FHIT: variants seen among roughly 807,000 people sequenced by gnomAD.
FHIT encodes the protein bis(5'-adenosyl)-triphosphatase.
FHIT carries 19 observed loss-of-function variants against 17.9 expected under a neutral mutation model. That is an observed-to-expected ratio of 1.06 (90% CI 0.74 to 1.56). FHIT has a LOEUF of 1.56. FHIT is among the 40% of genes most tolerant of loss of function. FHIT has a pLI of 0.00. For synonymous variants in FHIT, 81 were observed against 69.7 expected (o/e 1.16, Z -0.81); for missense variants, 248 against 189.2 (o/e 1.31, Z -1.82).
chr3:60,426,746 C>T (rs113150111), intron 5 of FHIT, among the ~76,000 whole-genome samples: 69 of 152,078 alleles, frequency 4.5e-4, no homozygotes, highest in African/African-American at 1.6e-3. Context: ...ATTTTGGCTT[C>T]GAGAAGTAAG....
At chr3:60,417,007 T>C (rs1702273435) in intron 5 of FHIT, among the ~76,000 whole-genome samples, 1 of 151,036 alleles carries the variant, frequency 6.6e-6, no homozygotes, top group Admixed American at 6.6e-5. Context: ...GAGAATGGCA[T>C]GAACCTGGGA....
rs183134359 is a variant in FHIT, at chr3:60,046,445, G to T, written c.104-32293C>A. The stretch of plus-strand genomic sequence containing the variant: ...GGTGTTTACAAGCTGGAATTGAAGA[G>T]GGCTCGGCCAGCTGACAGCAGAAGT... On this transcript the variant is annotated intron_variant, in intron 5 of 9. Coordinates refer to ENST00000492590, the MANE Select transcript of FHIT (RefSeq NM_002012.4). Among the ~76,000 whole-genome samples the T allele has an allele frequency of 1.5e-3, 227 of 152,332 alleles. 1 individual carries two copies. Among genetic ancestry groups the T allele is most frequent in the Middle Eastern group, 3.4e-3 (1 of 294 alleles).
At chr3:60,476,848 ATT>A (rs4021917) in intron 5 of FHIT, among the ~76,000 whole-genome samples, 47,007 of 146,954 alleles carry the variant, frequency 0.32, 7,855 homozygotes, top group South Asian at 0.54. Context: ...CCGGGGAAGG[ATT>A]TTTTTTTTTT....
At chr3:60,048,965 T>C (rs1021200227) in intron 5 of FHIT, among the ~76,000 whole-genome samples, 1 of 152,152 alleles carries the variant, frequency 6.6e-6, no homozygotes, top group Non-Finnish European at 1.5e-5. Flanking sequence ...TAACCCTGAG[T>C]GTCTAGAACT....
chr3:60,974,605 C>A (rs1710158675), intron 3 of FHIT, among the ~76,000 whole-genome samples: 1 of 152,140 alleles, frequency 6.6e-6, no homozygotes, highest in Admixed American at 6.5e-5. Context: ...GGGTTTCAGA[C>A]CTGGAACCAA....
At chr3:60,047,483 G>A (rs1335353261) in intron 5 of FHIT, among the ~76,000 whole-genome samples, 1 of 152,190 alleles carries the variant, frequency 6.6e-6, no homozygotes, top group African/African-American at 2.4e-5. Flanking sequence ...TGTAGAAGGA[G>A]CCATTGAAAA....
intron 4 of FHIT, among the ~76,000 whole-genome samples, chr3:60,545,227 G>T (rs942789075): frequency 6.6e-6 from 1 of 151,512 alleles, no homozygotes; most frequent in East Asian, 1.9e-4. Flanking sequence ...ATTTCGTATT[G>T]TGTTTATCAT....
At position 59,900,798 on chromosome 3, in the gene FHIT, T is replaced by C. The variant is rs1381607193; in HGVS notation, c.348+21548A>G. Among the ~76,000 whole-genome samples the C allele has an allele frequency of 2.6e-5, 4 of 152,176 alleles. No individual in the cohort carries two copies. The East Asian group carries it at 5.8e-4, about 22-fold the overall frequency. On this transcript the variant is annotated intron_variant, in intron 8 of 9. Coordinates refer to ENST00000492590, the MANE Select transcript of FHIT (RefSeq NM_002012.4). ...TTGGCTACTTTTTGTATTTTTGGTA[T>C]AGACGGGGTTTCACCATGTTGGCCA...
chr3:60,238,164 A>T (rs941823966), intron 5 of FHIT, among the ~76,000 whole-genome samples: 2 of 148,470 alleles, frequency 1.3e-5, no homozygotes, highest in African/African-American at 2.5e-5. Flanking sequence ...AAAAAAAAGA[A>T]TTTGTGTATC....
chr3:59,882,248 CAT>C (rs1237972729), intron 8 of FHIT, among the ~76,000 whole-genome samples: 1 of 152,060 alleles, frequency 6.6e-6, no homozygotes, highest in Non-Finnish European at 1.5e-5. Flanking sequence ...ACATTTAAAA[CAT>C]ATTCACACTT....
chr3:61,110,667 A>G (rs2036132248), intron 2 of FHIT, among the ~76,000 whole-genome samples: 1 of 152,110 alleles, frequency 6.6e-6, no homozygotes, highest in Non-Finnish European at 1.5e-5. Flanking sequence ...CCAACTCTTT[A>G]CTAAAAACTC....
At chr3:60,089,458 T>C (rs1170383309) in intron 5 of FHIT, among the ~76,000 whole-genome samples, 1 of 152,104 alleles carries the variant, frequency 6.6e-6, no homozygotes, top group Non-Finnish European at 1.5e-5. Context: ...GATGAATAAA[T>C]ATGCATATAG....
chr3:60,762,158 C>A (rs1433520451), intron 4 of FHIT, among the ~76,000 whole-genome samples: 3 of 152,154 alleles, frequency 2.0e-5, no homozygotes, highest in Non-Finnish European at 2.9e-5. Context: ...GTGGATGATG[C>A]CACCACTTGC....
At chr3:61,207,953 G>A (rs1210049232) in intron 1 of FHIT, among the ~76,000 whole-genome samples, 1 of 152,052 alleles carries the variant, frequency 6.6e-6, no homozygotes, top group Non-Finnish European at 1.5e-5. Flanking sequence ...TGGGCATTTA[G>A]TGCTATAAAT....
At chr3:61,175,449 C>T (rs2038129029) in intron 2 of FHIT, among the ~76,000 whole-genome samples, 1 of 152,096 alleles carries the variant, frequency 6.6e-6, no homozygotes, top group Non-Finnish European at 1.5e-5. Flanking sequence ...GAACACATGA[C>T]ATATACTATC....
At chr3:60,657,176 GAA>G (rs1372460897) in intron 4 of FHIT, among the ~76,000 whole-genome samples, 3 of 152,138 alleles carry the variant, frequency 2.0e-5, no homozygotes, top group Non-Finnish European at 4.4e-5. Context: ...ATAATAATTA[GAA>G]AGAGACAAAG....
rs546142253 is a variant in FHIT at position 60,113,781 on chromosome 3, C to T, written c.104-99629G>A. 7.3e-5 allele frequency among the ~76,000 whole-genome samples: 11 copies of T among 150,352 alleles called. 1 individual carries two copies. The highest frequency in any genetic ancestry group is 2.2e-4 in the African/African-American group (9 of 40,550). On this transcript the variant is annotated intron_variant, in intron 5 of 9. Coordinates refer to ENST00000492590, the MANE Select transcript of FHIT (RefSeq NM_002012.4). Reference sequence around the variant, plus strand: ...CTTTGGGAGGCCGAGGCGAGCGGATCACGAGGTGAGGAGATCGAGACCATC... The same window carrying T: ...CTTTGGGAGGCCGAGGCGAGCGGATTACGAGGTGAGGAGATCGAGACCATC...
intron 5 of FHIT, among the ~76,000 whole-genome samples, chr3:60,183,162 C>T (rs1011735864): frequency 1.4e-4 from 22 of 152,246 alleles, no homozygotes; most frequent in African/African-American, 5.3e-4. Flanking sequence ...CTTTGGGAGG[C>T]CGAGGCGTGC....
intron 4 of FHIT, among the ~76,000 whole-genome samples, chr3:60,788,717 G>A (rs183375509): frequency 6.6e-6 from 1 of 152,282 alleles, no homozygotes; most frequent in East Asian, 1.9e-4. Context: ...ATTGTTCAGT[G>A]TGGTGACACT....
Sources: gnomAD v4.1 joint callset for allele counts (sites outside exome capture counted in the v4.1 genomes callset) on GRCh38, gnomAD v4.1.1 for gene constraint, MANE v1.5 for transcripts, NCBI Gene and HGNC (gene_info 2026-07-23, HGNC 2026-07-21) for gene names.